IARS1: variants seen among roughly 807,000 people sequenced by gnomAD.
The protein encoded by IARS1 is isoleucine--tRNA ligase, cytoplasmic.
A neutral mutation model predicts 168.2 loss-of-function variants in IARS1; 124 were observed. That is an observed-to-expected ratio of 0.74 (90% CI 0.64 to 0.86). IARS1 has a LOEUF of 0.86. Among genes scored for constraint, IARS1 ranks in the 40% least tolerant of loss-of-function variants. IARS1 has a pLI of 0.00. For synonymous variants in IARS1, 532 were observed against 529.4 expected (o/e 1.00, Z -0.07); for missense variants, 1,452 against 1,515.8 (o/e 0.96, Z 0.70).
intron 21 of IARS1, among the ~76,000 whole-genome samples, chr9:92,252,962 A>G (rs575990637): frequency 6.6e-6 from 1 of 152,022 alleles, no homozygotes; most frequent in African/African-American, 2.4e-5. Context: ...AGTTCTGTCC[A>G]CAGTAAATAA....
At chr9:92,278,395 C>T in intron 7 of IARS1, 109 bp from the exon 8 acceptor site, 1 of 752,682 alleles carries the variant, frequency 1.3e-6, no homozygotes, top group East Asian at 2.5e-5. Flanking sequence ...TACCATGTGC[C>T]TCTACTGTAC....
chr9:92,291,997 T>C (rs1459330264), intron 1 of IARS1, among the ~76,000 whole-genome samples: 1 of 151,152 alleles, frequency 6.6e-6, no homozygotes. Context: ...ATTTAAGCTT[T>C]CTGAGAAGAG....
At chr9:92,277,946 T>G in intron 8 of IARS1, 23 bp from the exon 9 acceptor site, 1 of 1,605,944 alleles carries the variant, frequency 6.2e-7, no homozygotes, top group African/African-American at 1.3e-5. Context: ...AAAGGCAAAC[T>G]CACAATTAGA....
rs576543225 is a variant in IARS1, at chr9:92,259,094, C to T, written c.1872-96G>A. ...TGAGAGAGCAAGATGAAAATCAGTC[C>T]TATTTTCTACAAAAGGGGGTAATTA... On this transcript the variant is annotated intron_variant, in intron 18 of 33. Coordinates refer to ENST00000443024, the MANE Select transcript of IARS1 (RefSeq NM_002161.6). 9.4e-5 allele frequency: 104 copies of T among 1,106,728 alleles called. 1 individual carries two copies. Among genetic ancestry groups the T allele is most frequent in the Middle Eastern group, 4.6e-4 (2 of 4,326 alleles). The allele number at this position is 1,106,728 out of a possible 1,614,324, so 68.6% of individuals were successfully genotyped here. A position where few individuals can be genotyped will look rare whatever the true frequency, so the allele number is the denominator to read the frequency against.
At chr9:92,251,533 G>C (rs151138997) in intron 22 of IARS1, among the ~76,000 whole-genome samples, 2 of 152,218 alleles carry the variant, frequency 1.3e-5, no homozygotes, top group Non-Finnish European at 2.9e-5. Flanking sequence ...GTCTTACTTT[G>C]AACTGTAGAT....
At chr9:92,273,932 T>C (rs72750454) in intron 10 of IARS1, among the ~76,000 whole-genome samples, 4,658 of 152,350 alleles carry the variant, frequency 0.031, 112 homozygotes, top group South Asian at 0.079. Flanking sequence ...GGCAGTGCCA[T>C]GATTTAAGGT....
At position 92,277,766 on chromosome 9, in the gene IARS1, A is replaced by T. The variant is rs1833971298; in HGVS notation, c.894+97T>A. ...AAGCAGACTTTCTGGATTCAGGTACACTCATAAAAGTAATGTCAATTCCAC... is the reference window on the plus strand; with the variant it reads ...AAGCAGACTTTCTGGATTCAGGTACTCTCATAAAAGTAATGTCAATTCCAC... On this transcript the variant is annotated intron_variant, in intron 9 of 33. Coordinates refer to ENST00000443024, the MANE Select transcript of IARS1 (RefSeq NM_002161.6). The T allele has an allele frequency of 3.3e-6, 3 of 919,314 alleles. No individual in the cohort carries two copies. In the South Asian group the frequency reaches 4.8e-5, roughly 15 times the overall value. The allele number at this position is 919,314 out of a possible 1,614,324, so 56.9% of individuals were successfully genotyped here.
Position 92,243,223 on chromosome 9 carries a change from CG to C in IARS1, c.2992del (p.Arg998AlafsTer25), listed in dbSNP as rs777563629. 6.2e-7 allele frequency: 1 copy of C among 1,612,296 alleles called. No homozygotes were observed. The highest frequency in any genetic ancestry group is 1.1e-5 in the South Asian group (1 of 91,052). On this transcript the variant is annotated frameshift_variant, in exon 28 of 34. Transcript: ENST00000443024. LOFTEE classifies it high-confidence loss of function. ...CTTAACTGACAAACTAACCTTTTTG[CG>C]AAGTTTCTGTATGCGATTGATGACT... is the stretch of plus-strand genomic sequence containing the variant. ...REVINRIQKL[R>X]KKCNLVPTDE... is the part of the protein sequence containing the mutation.
chr9:92,246,794 C>T (rs564685622), intron 26 of IARS1, among the ~76,000 whole-genome samples: 2 of 152,100 alleles, frequency 1.3e-5, no homozygotes, highest in Non-Finnish European at 2.9e-5. Context: ...CAGATGTGAG[C>T]CGCTGGGATT....
chr9:92,265,467 T>C lies in IARS1; in HGVS notation c.1505+13A>G. 1.2e-6 allele frequency: 2 copies of C among 1,610,876 alleles called. No homozygotes were observed. The highest frequency in any genetic ancestry group is 8.5e-7 in the Non-Finnish European group (1 of 1,177,304). On this transcript the variant is annotated intron_variant, in intron 15 of 33. Coordinates refer to ENST00000443024, the MANE Select transcript of IARS1 (RefSeq NM_002161.6). ...TCGTAAAACTGAAGTGAATCGAACA[T>C]TTAGAAACTGACCTCTCTCTGTGGA... is the stretch of plus-strand genomic sequence containing the variant.
At chr9:92,289,100 G>A (rs564856971) in intron 2 of IARS1, among the ~76,000 whole-genome samples, 2 of 151,640 alleles carry the variant, frequency 1.3e-5, no homozygotes, top group African/African-American at 2.4e-5. Flanking sequence ...CCAGCTACTC[G>A]GGAGGCTGAG....
intron 33 of IARS1, among the ~76,000 whole-genome samples, chr9:92,218,816 G>A (rs887013057): frequency 1.3e-5 from 2 of 150,382 alleles, no homozygotes; most frequent in Non-Finnish European, 2.9e-5. Flanking sequence ...TGGGTAGGAA[G>A]AATCAATATC....
intron 30 of IARS1, among the ~76,000 whole-genome samples, chr9:92,236,534 T>C (rs1392188597): frequency 6.6e-6 from 1 of 151,942 alleles, no homozygotes; most frequent in Non-Finnish European, 1.5e-5. Flanking sequence ...GTTGTAGTAG[T>C]TTGTGTTTTT....
At chr9:92,274,639 A>G in intron 9 of IARS1, 118 bp from the exon 10 acceptor site, 1 of 645,694 alleles carries the variant, frequency 1.5e-6, no homozygotes. Flanking sequence ...TTATTTTCAG[A>G]AATAGAAAAG....
intron 13 of IARS1, among the ~76,000 whole-genome samples, chr9:92,269,246 T>C (rs1181356939): frequency 1.3e-5 from 2 of 152,150 alleles, no homozygotes; most frequent in East Asian, 3.8e-4. Flanking sequence ...CAGATACAGT[T>C]TTCTAGAGTC....
intron 20 of IARS1, 26 bp downstream of exon 20, chr9:92,256,654 G>A: frequency 1.2e-6 from 2 of 1,605,336 alleles, no homozygotes; most frequent in South Asian, 1.1e-5. Flanking sequence ...CCTTATTCCT[G>A]GGAGGACAGA....
intron 33 of IARS1, among the ~76,000 whole-genome samples, chr9:92,214,942 C>A (rs986258793): frequency 6.6e-6 from 1 of 152,246 alleles, no homozygotes; most frequent in African/African-American, 2.4e-5. Flanking sequence ...GGCCTGCATG[C>A]CTCTGTAGGC....
chr9:92,292,181 C>CTTTTTTT (rs57075703), intron 1 of IARS1, among the ~76,000 whole-genome samples: 1 of 118,054 alleles, frequency 8.5e-6, no homozygotes, highest in African/African-American at 3.2e-5. Context: ...CCACACTCAG[C>CTTTTTTT]TTTTTTTTTT....
chr9:92,214,760 C>T (rs1838356154), intron 33 of IARS1, among the ~76,000 whole-genome samples: 1 of 152,230 alleles, frequency 6.6e-6, no homozygotes, highest in African/African-American at 2.4e-5. Context: ...GCACCTAGCT[C>T]GGAGGGTCCT....
Sources: gnomAD v4.1 joint callset for allele counts (sites outside exome capture counted in the v4.1 genomes callset) on GRCh38, gnomAD v4.1.1 for gene constraint, MANE v1.5 for transcripts, NCBI Gene and HGNC (gene_info 2026-07-23, HGNC 2026-07-21) for gene names.